Variants in SVIL observed in about 807,000 individuals in gnomAD.
SVIL encodes the protein archvillin.
Under a neutral mutation model 240.4 loss-of-function variants are expected in SVIL, and 101 were observed. The ratio of observed to expected loss-of-function variants is 0.42; its 90% CI spans 0.36 to 0.50. The LOEUF is 0.50. Among genes scored for constraint, SVIL ranks in the 20% least tolerant of loss-of-function variants. The pLI is 0.01. For synonymous variants in SVIL, 999 were observed against 1,100.0 expected (o/e 0.91, Z 1.82); for missense variants, 2,512 against 2,818.7 (o/e 0.89, Z 2.46).
chr10:29,585,643 C>A (rs1286109211), intron 1 of SVIL, among the ~76,000 whole-genome samples: 1 of 151,166 alleles, frequency 6.6e-6, no homozygotes, highest in East Asian at 1.9e-4. Flanking sequence ...GATGTCATCT[C>A]CCAACTGTGC....
At chr10:29,546,141 G>A (rs7904743) in intron 6 of SVIL, among the ~76,000 whole-genome samples, 64,546 of 151,990 alleles carry the variant, frequency 0.42, 13,793 homozygotes, top group African/African-American at 0.46. Flanking sequence ...TCAAGCTCAG[G>A]TGTTTAAAAA....
chr10:29,508,415 A>T (rs1949535198), intron 17 of SVIL: 2 of 1,289,200 alleles, frequency 1.6e-6, no homozygotes. Flanking sequence ...AACAGGGAAC[A>T]TGGCAGAGTA....
At chr10:29,693,141 A>G (rs1589524396) in intron 1 of SVIL, among the ~76,000 whole-genome samples, 2 of 152,192 alleles carry the variant, frequency 1.3e-5, no homozygotes, top group African/African-American at 4.8e-5. Flanking sequence ...CTGTGAGGTA[A>G]GAACTGTCTT....
intron 1 of SVIL, among the ~76,000 whole-genome samples, chr10:29,711,281 T>C (rs1270346410): frequency 6.6e-6 from 1 of 152,080 alleles, no homozygotes; most frequent in Non-Finnish European, 1.5e-5. Flanking sequence ...ACGCCGGTGG[T>C]CCCAGCTACT....
intron 1 of SVIL, among the ~76,000 whole-genome samples, chr10:29,583,225 A>G (rs1956025705): frequency 6.6e-6 from 1 of 152,210 alleles, no homozygotes; most frequent in South Asian, 2.1e-4. Context: ...CAATCTCAGC[A>G]ATAATAATCA....
intron 30 of SVIL, among the ~76,000 whole-genome samples, chr10:29,472,587 G>A (rs1945709413): frequency 6.6e-6 from 1 of 152,242 alleles, no homozygotes; most frequent in South Asian, 2.1e-4. Context: ...ACAGAGCAGA[G>A]GAGACTCAGG....
intron 1 of SVIL, among the ~76,000 whole-genome samples, chr10:29,596,974 T>TGGGCA (rs1956615982): frequency 6.6e-6 from 1 of 152,166 alleles, no homozygotes; most frequent in Non-Finnish European, 1.5e-5. Flanking sequence ...TAGTTAGACA[T>TGGGCA]GGGCAGGGCA....
intron 2 of SVIL, among the ~76,000 whole-genome samples, chr10:29,661,971 GTT>G (rs1959168186): frequency 6.6e-6 from 1 of 152,010 alleles, no homozygotes; most frequent in Non-Finnish European, 1.5e-5. Flanking sequence ...GCCCCAGTGA[GTT>G]TTATTCACAT....
intron 1 of SVIL, among the ~76,000 whole-genome samples, chr10:29,716,186 A>T (rs1435016375): frequency 6.8e-6 from 1 of 146,840 alleles, no homozygotes; most frequent in African/African-American, 2.6e-5. Context: ...TAATGTGTTC[A>T]TATGAATATT....
chr10:29,520,179 A>G (rs1396584365), intron 16 of SVIL, among the ~76,000 whole-genome samples: 1 of 152,256 alleles, frequency 6.6e-6, no homozygotes, highest in African/African-American at 2.4e-5. Flanking sequence ...AAAGCCTTTG[A>G]AAGAAGGGGG....
In SVIL at chr10:29,499,004, T is replaced by C. The variant is rs1564522516; in HGVS notation, c.3664+112A>G. 1.1e-5 allele frequency: 15 copies of C among 1,408,490 alleles called. No homozygotes were observed. In the Admixed American group the frequency reaches 4.1e-4, roughly 38 times the overall value. The allele number at this position is 1,408,490 out of a possible 1,614,324, so 87.2% of individuals were successfully genotyped here. The stretch of plus-strand genomic sequence containing the variant: ...TCTTAGAAAAAACTTAAAAAGACCA[T>C]GGTTTCTTCTTTTAAATTGAGCTAT... On this transcript the variant is annotated intron_variant, in intron 18 of 37. Transcript: ENST00000355867.
chr10:29,589,313 A>G (rs374680345), intron 1 of SVIL, among the ~76,000 whole-genome samples: 3 of 152,154 alleles, frequency 2.0e-5, no homozygotes, highest in African/African-American at 7.2e-5. Context: ...TGTCTCCTCT[A>G]ACTTAGGCAA....
At chr10:29,543,756 C>T (rs894745638) in intron 6 of SVIL, among the ~76,000 whole-genome samples, 1 of 152,066 alleles carries the variant, frequency 6.6e-6, no homozygotes, top group Admixed American at 6.6e-5. Flanking sequence ...GATCTAAATA[C>T]ATGCATTTAT....
chr10:29,705,114 T>A (rs1962796294), intron 1 of SVIL, among the ~76,000 whole-genome samples: 1 of 152,168 alleles, frequency 6.6e-6, no homozygotes, highest in Non-Finnish European at 1.5e-5. Context: ...CATTGGAAGT[T>A]CTTTATCCCT....
intron 1 of SVIL, among the ~76,000 whole-genome samples, chr10:29,622,350 A>T (rs1429543016): frequency 6.6e-6 from 1 of 150,986 alleles, no homozygotes; most frequent in East Asian, 2.0e-4. Context: ...AGTGGCTTGT[A>T]CAGGTGACAA....
intron 1 of SVIL, among the ~76,000 whole-genome samples, chr10:29,610,554 A>T (rs1957206830): frequency 6.6e-6 from 1 of 150,664 alleles, no homozygotes; most frequent in African/African-American, 2.4e-5. Flanking sequence ...GGGTTTAAGC[A>T]GTTCTCCAGG....
chr10:29,486,152 T>C lies in SVIL; in HGVS notation c.4712A>G (p.Asp1571Gly), dbSNP rs1470544665. The C allele has an allele frequency of 6.2e-7, 1 of 1,614,216 alleles. No individual in the cohort carries two copies. The highest frequency in any genetic ancestry group is 1.1e-5 in the South Asian group (1 of 91,080). The change falls in exon 26 of 38, where the codon GAC becomes GGC. Residue 1571 changes from aspartate to glycine, a missense_variant. Asp to Gly is a moderately conservative substitution (Grantham distance 94). This residue lies in a region of SVIL where 797 missense variants were observed against 925.3 expected (regional missense o/e 0.86). Coordinates refer to ENST00000355867, the MANE Select transcript of SVIL (RefSeq NM_021738.3). Reference sequence around the variant, plus strand: ...GTAGTCGTCATCAGGAACAAGTTTGTCATCCATGAGACGGTAAATGCAGTT... The same window carrying C: ...GTAGTCGTCATCAGGAACAAGTTTGCCATCCATGAGACGGTAAATGCAGTT... ...ETNCIYRLMD[D>G]KLVPDDDYWG... is the part of the protein sequence containing the mutation.
intron 21 of SVIL, among the ~76,000 whole-genome samples, chr10:29,492,341 CT>C (rs2132405255): frequency 6.6e-6 from 1 of 152,188 alleles, no homozygotes; most frequent in South Asian, 2.1e-4. Context: ...GGGAGGCAGC[CT>C]TGTGACTCCA....
At chr10:29,596,197 G>C (rs535095105) in intron 1 of SVIL, among the ~76,000 whole-genome samples, 1 of 152,210 alleles carries the variant, frequency 6.6e-6, no homozygotes, top group Non-Finnish European at 1.5e-5. Context: ...CTGGATGGGC[G>C]CAGTGGCTCT....
Sources: allele counts gnomAD v4.1 joint callset (sites outside exome capture counted in the v4.1 genomes callset), GRCh38; gene constraint gnomAD v4.1.1; regional missense constraint gnomAD v4.1.1; transcripts MANE v1.5; gene names NCBI Gene and HGNC (gene_info 2026-07-23, HGNC 2026-07-21).